SPAG9: variants seen among roughly 807,000 people sequenced by gnomAD.
SPAG9 encodes the protein C-Jun-amino-terminal kinase-interacting protein 4.
SPAG9 carries 35 observed loss-of-function variants against 166.5 expected under a neutral mutation model. The observed-to-expected ratio is 0.21, with a 90% CI of 0.16 to 0.28. The LOEUF is 0.28. Ranked by LOEUF, SPAG9 falls within the 10% of genes least tolerant of loss-of-function variation. The probability of loss-of-function intolerance (pLI) is 1.00; values close to 1 mark genes in which losing one functional copy is unlikely to be tolerated. For synonymous variants in SPAG9, 534 were observed against 565.5 expected (o/e 0.94, Z 0.79); for missense variants, 1,235 against 1,603.3 (o/e 0.77, Z 3.92).
At chr17:51,077,037 GCTAT>G (rs879478812) in intron 2 of SPAG9, among the ~76,000 whole-genome samples, 5,103 of 107,690 alleles carry the variant, frequency 0.047, 270 homozygotes, top group Non-Finnish European at 0.069. Context: ...TATCTATCTA[GCTAT>G]CTAGCTATCT....
chr17:50,962,979 T>A lies in SPAG9; in HGVS notation c.*3293A>T, dbSNP rs1973194392. On this transcript the variant is annotated 3_prime_UTR_variant, in exon 30 of 30. Coordinates refer to ENST00000262013, the MANE Select transcript of SPAG9 (RefSeq NM_001130528.3). ...TTTTTAAAATTTAGATCCACATGGG[T>A]TAGAGAAAAATACTCTCAAAAGTGA... 6.6e-6 allele frequency: 1 copy of A among 152,198 alleles called. No homozygotes were observed. Among genetic ancestry groups the A allele is most frequent in the African/African-American group, 2.4e-5 (1 of 41,452 alleles). The allele number at this position is 152,198 out of a possible 1,614,324, so 9.4% of individuals were successfully genotyped here. A position where few individuals can be genotyped will look rare whatever the true frequency, so the allele number is the denominator to read the frequency against.
At chr17:50,985,618 A>C (rs1974993766) in intron 23 of SPAG9, 80 bp downstream of exon 23, 1 of 753,118 alleles carries the variant, frequency 1.3e-6, no homozygotes, top group Non-Finnish European at 2.2e-6. Flanking sequence ...TGAAACATGT[A>C]TTAGCTTTCA....
chr17:51,043,378 T>C (rs181899591), intron 4 of SPAG9, among the ~76,000 whole-genome samples: 5 of 152,302 alleles, frequency 3.3e-5, no homozygotes, highest in Admixed American at 6.5e-5. Context: ...CCTTAGTGCA[T>C]AGATAATATA....
chr17:51,038,025 C>T (rs760057097), intron 5 of SPAG9, among the ~76,000 whole-genome samples: 4 of 152,060 alleles, frequency 2.6e-5, no homozygotes, highest in Non-Finnish European at 5.9e-5. Context: ...TCTCCAAACT[C>T]GATTTGAGGA....
intron 1 of SPAG9, among the ~76,000 whole-genome samples, chr17:51,100,085 G>T (rs2048767627): frequency 6.6e-6 from 1 of 152,126 alleles, no homozygotes; most frequent in African/African-American, 2.4e-5. Context: ...GAGCAACAGA[G>T]TGAGACTCTG....
intron 12 of SPAG9, among the ~76,000 whole-genome samples, chr17:51,003,618 G>T (rs1332913903): frequency 2.0e-5 from 3 of 152,132 alleles, no homozygotes; most frequent in Non-Finnish European, 4.4e-5. Flanking sequence ...GAGCACAGGG[G>T]TAAGACCTCA....
chr17:50,978,066 A>T (rs1013826085), intron 26 of SPAG9, among the ~76,000 whole-genome samples: 1 of 152,232 alleles, frequency 6.6e-6, no homozygotes, highest in African/African-American at 2.4e-5. Flanking sequence ...ATACACAAAT[A>T]ATTTAGGGAG....
At chr17:51,006,913 A>T (rs1311226828) in intron 10 of SPAG9, among the ~76,000 whole-genome samples, 1 of 152,198 alleles carries the variant, frequency 6.6e-6, no homozygotes, top group African/African-American at 2.4e-5. Flanking sequence ...AAATAAAAGA[A>T]ACCCCAGGAG....
intron 19 of SPAG9, among the ~76,000 whole-genome samples, chr17:50,993,099 A>AT (rs1211120993): frequency 6.7e-6 from 1 of 149,748 alleles, no homozygotes; most frequent in African/African-American, 2.4e-5. Context: ...CCATCTCAAA[A>AT]AAAAAAAAAA....
chr17:50,972,226 T>G (rs1973876955), intron 28 of SPAG9, among the ~76,000 whole-genome samples: 1 of 152,202 alleles, frequency 6.6e-6, no homozygotes, highest in Non-Finnish European at 1.5e-5. Context: ...TCTAAATCTT[T>G]TGATCTGAGA....
At chr17:51,100,860 C>T (rs1359100363) in intron 1 of SPAG9, among the ~76,000 whole-genome samples, 1 of 151,092 alleles carries the variant, frequency 6.6e-6, no homozygotes, top group Non-Finnish European at 1.5e-5. Context: ...GCAGAGGTTG[C>T]GGTGAGCCAA....
rs2048108523 is a variant in SPAG9, at chr17:51,079,625, G to C, written c.383C>G (p.Thr128Arg). ...QTRVESLESQ[T>R]RQLELKAKNY... ...TTTCGCTTTCAGCTCAAGTTGTCTT[G>C]TTTGAGATTCTAAAGATTCCACTCG... Residue 128 changes from threonine (T) to arginine (R), a missense_variant, in exon 2 of 30, where the codon ACA becomes AGA. Thr to Arg is a moderately conservative substitution (Grantham distance 71). Coordinates refer to ENST00000262013, the MANE Select transcript of SPAG9 (RefSeq NM_001130528.3). 1 of 1,613,676 alleles carries C rather than the reference G, an allele frequency of 6.2e-7. No homozygotes were observed. The highest frequency in any genetic ancestry group is 2.2e-5 in the East Asian group (1 of 44,874).
At position 50,970,666 on chromosome 17, in the gene SPAG9, A is replaced by C. The variant is rs776036733; in HGVS notation, c.3850+41T>G. 9.5e-6 allele frequency: 15 copies of C among 1,578,944 alleles called. No homozygotes were observed. The African/African-American group carries it at 1.1e-4, about 11-fold the overall frequency. ...TACTTTGGGACAAAACCCAAGTCAT[A>C]GCACACAGTGCAAACTGAGCACCCA... On this transcript the variant is annotated intron_variant, in intron 29 of 29. Transcript: ENST00000262013.
At chr17:51,102,434 G>A in intron 1 of SPAG9, among the ~76,000 whole-genome samples, 2 of 149,838 alleles carry the variant, frequency 1.3e-5, no homozygotes. Flanking sequence ...GAAAAAAATA[G>A]AAATGTCTAA....
chr17:51,015,439 TA>T (rs2045655742), intron 8 of SPAG9, among the ~76,000 whole-genome samples: 1 of 152,126 alleles, frequency 6.6e-6, no homozygotes, highest in Non-Finnish European at 1.5e-5. Context: ...AAGCCAAGTT[TA>T]AATGTTATAG....
chr17:50,979,454 G>C (rs1232846375), intron 26 of SPAG9, among the ~76,000 whole-genome samples: 1 of 150,766 alleles, frequency 6.6e-6, no homozygotes, highest in South Asian at 2.1e-4. Context: ...CACTACTCCT[G>C]AGATAACTTA....
Position 51,091,328 on chromosome 17 carries a change from T to C in SPAG9, c.304-11624A>G, listed in dbSNP as rs995312043. On this transcript the variant is annotated intron_variant, in intron 1 of 29. Coordinates refer to ENST00000262013, the MANE Select transcript of SPAG9 (RefSeq NM_001130528.3). Reference sequence around the variant, plus strand: ...CTCATAAAAAGTCTAGGATAGTCATTAATGATTTAATGTGACTTAATTGCT... The same window carrying C: ...CTCATAAAAAGTCTAGGATAGTCATCAATGATTTAATGTGACTTAATTGCT... Among the ~76,000 whole-genome samples the C allele has an allele frequency of 3.3e-5, 5 of 151,752 alleles. No homozygotes were observed. In the South Asian group the frequency reaches 6.2e-4, roughly 19 times the overall value.
At chr17:51,037,685 A>ATATATAGTGTGTGTGT in intron 5 of SPAG9, among the ~76,000 whole-genome samples, 2 of 83,492 alleles carry the variant, frequency 2.4e-5, no homozygotes, top group African/African-American at 3.9e-5. Flanking sequence ...ATATATATAT[A>ATATATAGTGTGTGTGT]GTGTGTGTGT....
At chr17:51,052,810 G>C (rs9907466) in intron 3 of SPAG9, among the ~76,000 whole-genome samples, 4,840 of 152,216 alleles carry the variant, frequency 0.032, 260 homozygotes, top group African/African-American at 0.11. Flanking sequence ...TGTAATCCCA[G>C]CTCTTTGGGA....
Sources: gnomAD v4.1 joint callset for allele counts (sites outside exome capture counted in the v4.1 genomes callset) on GRCh38, gnomAD v4.1.1 for gene constraint, MANE v1.5 for transcripts, NCBI Gene and HGNC (gene_info 2026-07-23, HGNC 2026-07-21) for gene names.